TMC4: variants seen among roughly 807,000 people sequenced by gnomAD.
TMC4 encodes the protein voltage-gated chloride channel TMC4.
In TMC4, 70 loss-of-function variants were observed where a neutral mutation model predicts 82.0. That is an observed-to-expected ratio of 0.85 (90% confidence interval 0.70 to 1.04). TMC4 has a LOEUF of 1.04. Among genes scored for constraint, TMC4 ranks in the 50% least tolerant of loss-of-function variants. TMC4 has a pLI of 0.00. For missense variants in TMC4, 879 were observed against 899.0 expected, an observed-to-expected ratio of 0.98 and a Z score of 0.28; for synonymous variants, 446 against 406.0, an observed-to-expected ratio of 1.10 and a Z score of -1.18.
intron 2 of TMC4, among the ~76,000 whole-genome samples, chr19:54,169,905 C>G (rs1568751570): frequency 1.3e-5 from 2 of 149,716 alleles, no homozygotes; most frequent in Non-Finnish European, 3.0e-5. Context: ...GCCTGACCAA[C>G]ATGGTGAAAT....
intron 5 of TMC4, 92 bp downstream of exon 5, chr19:54,168,077 CTG>C: frequency 7.2e-7 from 1 of 1,382,796 alleles, no homozygotes. Context: ...AAAAAAAAGA[CTG>C]AGGATTCTTG....
At position 54,167,473 on chromosome 19, in the gene TMC4, C is replaced by T. The variant is rs547483881; in HGVS notation, c.797+698G>A. Among the ~76,000 whole-genome samples the T allele has an allele frequency of 2.2e-3, 331 of 151,444 alleles. 3 individuals carry two copies. Among genetic ancestry groups the T allele is most frequent in the African/African-American group, 7.7e-3 (318 of 41,334 alleles). On this transcript the variant is annotated intron_variant, in intron 5 of 14. Coordinates refer to ENST00000619895, the MANE Select transcript of TMC4 (RefSeq NM_144686.4). ...ACTTGGGAGGGTGAGGCAGTAGAAT[C>T]GCTTGAACCCGGGAGGTGGAGGTTG...
chr19:54,161,922 T>C (rs772169749), intron 11 of TMC4, among the ~76,000 whole-genome samples, 180 bp downstream of exon 11: 3 of 151,986 alleles, frequency 2.0e-5, no homozygotes, highest in Non-Finnish European at 2.9e-5. Context: ...CCCCAGATCC[T>C]CAGACATATA....
At position 54,163,742 on chromosome 19, in the gene TMC4, A is replaced by G; in HGVS notation, c.1259T>C (p.Ile420Thr). The stretch of plus-strand genomic sequence containing the variant: ...CTGGAACCTGAGCAGGATAAAAACG[A>G]TCTGGCGACTCCGAGTGTAGCCCTC... ...PLEGYTRSRQ[I>T]VFILLRTVFL... The change falls in exon 8 of 15, where the codon ATC becomes ACC. Residue 420 changes from isoleucine (I) to threonine (T), a missense_variant. Coordinates refer to ENST00000619895, the MANE Select transcript of TMC4 (RefSeq NM_144686.4). 2 of 1,613,930 alleles carry G rather than the reference A, an allele frequency of 1.2e-6. No individual in the cohort carries two copies. Among genetic ancestry groups the G allele is most frequent in the Non-Finnish European group, 1.7e-6 (2 of 1,179,996 alleles).
chr19:54,163,912 A>G (rs199821668), intron 7 of TMC4, 25 bp from the exon 8 acceptor site: 3 of 1,612,448 alleles, frequency 1.9e-6, no homozygotes, highest in Non-Finnish European at 2.5e-6. Flanking sequence ...GACCATGAGT[A>G]GAGGCTTGGG....
At chr19:54,164,670 T>G (rs2075656681) in intron 6 of TMC4, 69 bp from the exon 7 acceptor site, 2 of 1,591,766 alleles carry the variant, frequency 1.3e-6, no homozygotes. Context: ...TCCCCAGGTC[T>G]GGCTCTCCAG....
At chr19:54,167,784 C>A (rs1295527257) in intron 5 of TMC4, among the ~76,000 whole-genome samples, 2 of 151,182 alleles carry the variant, frequency 1.3e-5, no homozygotes, top group African/African-American at 4.9e-5. Flanking sequence ...ATTCTGGGGC[C>A]GGGCGCGGTG....
chr19:54,163,959 C>CCT (rs2146879062), intron 7 of TMC4, 72 bp from the exon 8 acceptor site: 1 of 1,482,852 alleles, frequency 6.7e-7, no homozygotes, highest in East Asian at 2.3e-5. Context: ...CTCCCCCCGG[C>CCT]CTCTTCTTCT....
chr19:54,162,866 G>A (rs2075602261), intron 9 of TMC4, 96 bp from the exon 10 acceptor site: 1 of 1,505,386 alleles, frequency 6.6e-7, no homozygotes, highest in Non-Finnish European at 9.2e-7. Context: ...ATGAGACCCT[G>A]TCAATACTTT....
intron 3 of TMC4, 24 bp downstream of exon 3, chr19:54,169,488 G>T: frequency 6.2e-7 from 1 of 1,603,386 alleles, no homozygotes. Context: ...CTGCCCCCAG[G>T]ACACCACCCA....
chr19:54,165,324 C>A, intron 6 of TMC4, 95 bp downstream of exon 6: 2 of 1,348,624 alleles, frequency 1.5e-6, no homozygotes, highest in Non-Finnish European at 2.0e-6. Context: ...TAGCATCTCT[C>A]CGGAGGCCCC....
In TMC4 at chr19:54,168,182, G is replaced by A. The variant is rs1203022064; in HGVS notation, c.786C>T (p.Leu262=). The A allele has an allele frequency of 1.9e-6, 3 of 1,604,694 alleles. No individual in the cohort carries two copies. The highest frequency in any genetic ancestry group is 1.7e-5 in the Admixed American group (1 of 58,776). The part of the protein sequence containing the change: ...AFAVGLICLL[L]ILHRSVSGLK... ...CAGGTGCCACTGACCGATGCAGGAT[G>A]AGCAGGAGGCAGATGAGGCCAACGG... The change falls in exon 5 of 15, where the codon CTC becomes CTT. Residue 262 remains leucine, a synonymous_variant. Coordinates refer to ENST00000619895, the MANE Select transcript of TMC4 (RefSeq NM_144686.4).
chr19:54,171,463 A>G (rs2075886012), intron 2 of TMC4, among the ~76,000 whole-genome samples: 1 of 152,202 alleles, frequency 6.6e-6, no homozygotes, highest in African/African-American at 2.4e-5. Context: ...CAGGCCCTGC[A>G]AATTATGCAG....
At chr19:54,162,795 A>T in intron 9 of TMC4, 25 bp from the exon 10 acceptor site, 1 of 1,607,750 alleles carries the variant, frequency 6.2e-7, no homozygotes, top group Non-Finnish European at 8.5e-7. Flanking sequence ...AATATATCAG[A>T]AAGAACTCGG....
Position 54,165,424 on chromosome 19 carries a change from A to G in TMC4, c.940T>C (p.Leu314=), listed in dbSNP as rs2075677982. 6.3e-7 allele frequency: 1 copy of G among 1,599,794 alleles called. No homozygotes were observed. The highest frequency in any genetic ancestry group is 2.3e-5 in the East Asian group (1 of 44,426). ...ACCCCGCTCCCTAATCGCACCTTTA[A>G]TTCGTACAAGATGATGCGCTGGCGC... is the stretch of plus-strand genomic sequence containing the variant. ...RLRQRIILYE[L]KVELEETVVR... The change falls in exon 6 of 15, where the codon TTA becomes CTA. Residue 314 remains leucine, a synonymous_variant. Coordinates refer to ENST00000619895, the MANE Select transcript of TMC4 (RefSeq NM_144686.4).
intron 5 of TMC4, among the ~76,000 whole-genome samples, chr19:54,167,484 G>A (rs942716590): frequency 4.6e-5 from 7 of 151,628 alleles, no homozygotes; most frequent in Admixed American, 1.3e-4. Context: ...GCTTGAACCC[G>A]GGAGGTGGAG....
chr19:54,164,848 C>T lies in TMC4; in HGVS notation c.946-247G>A, dbSNP rs2075661846. 5.2e-6 allele frequency: 3 copies of T among 577,252 alleles called. No homozygotes were observed. In the South Asian group the frequency reaches 6.4e-5, roughly 12 times the overall value. 35.8% of individuals were successfully genotyped at this position (577,252 alleles called of 1,614,324 possible). The stretch of plus-strand genomic sequence containing the variant: ...TCCCTCCGCGGTCAATCTCAGCACC[C>T]CAGGCCCCGCCCCTGAGGCTCCGCC... On this transcript the variant is annotated intron_variant, in intron 6 of 14. Coordinates refer to ENST00000619895, the MANE Select transcript of TMC4 (RefSeq NM_144686.4).
chr19:54,160,334 G>T lies in TMC4; in HGVS notation c.2093C>A (p.Ala698Glu). 1 of 1,522,668 alleles carries T rather than the reference G, an allele frequency of 6.6e-7. No homozygotes were observed. Among genetic ancestry groups the T allele is most frequent in the Non-Finnish European group, 8.8e-7 (1 of 1,135,950 alleles). The allele number at this position is 1,522,668 out of a possible 1,614,324, so 94.3% of individuals were successfully genotyped here. ...AAGAGCCGGTTTGGTGGAGGTCAGC[G>T]CCACAGCGCGCCGTGCCAGGAAGAC... ...NKVFLARRAV[A>E]LTSTKPAL Residue 698 changes from alanine (A) to glutamate (E), a missense_variant, in exon 15 of 15, where the codon GCG (alanine) becomes GAG (glutamate). Coordinates refer to ENST00000619895, the MANE Select transcript of TMC4 (RefSeq NM_144686.4).
chr19:54,160,419 C>A (rs1310945125), intron 14 of TMC4, 45 bp from the exon 15 acceptor site: 1 of 1,600,758 alleles, frequency 6.2e-7, no homozygotes, highest in Non-Finnish European at 8.5e-7. Context: ...CTTCCCCAAC[C>A]CCTTTCCATG....
Sources: gnomAD v4.1 joint callset for allele counts (sites outside exome capture counted in the v4.1 genomes callset) on GRCh38, gnomAD v4.1.1 for gene constraint, MANE v1.5 for transcripts, NCBI Gene and HGNC (gene_info 2026-07-23, HGNC 2026-07-21) for gene names.